MYOM2: variants seen among roughly 807,000 people sequenced by gnomAD.
The protein encoded by MYOM2 is myomesin-2.
In MYOM2, 254 loss-of-function variants were observed where a neutral mutation model predicts 187.6. That is an observed-to-expected ratio of 1.35 (90% CI 1.22 to 1.50). MYOM2 has a LOEUF of 1.50. MYOM2 is among the 40% of genes most tolerant of loss of function. MYOM2 has a pLI of 0.00. For missense variants in MYOM2, 2,796 were observed against 1,924.0 expected, an observed-to-expected ratio of 1.45 and a Z score of -8.48; for synonymous variants, 981 against 753.8, an observed-to-expected ratio of 1.30 and a Z score of -4.94.
At chr8:2,084,621 G>T (rs541355500) in intron 13 of MYOM2, among the ~76,000 whole-genome samples, 45 of 152,304 alleles carry the variant, frequency 3.0e-4, no homozygotes, top group South Asian at 1.7e-3. Context: ...ATGTATGTCA[G>T]AAGAGAGGCA....
intron 10 of MYOM2, among the ~76,000 whole-genome samples, chr8:2,075,817 C>T (rs540888898): frequency 3.3e-5 from 5 of 152,124 alleles, no homozygotes; most frequent in African/African-American, 4.8e-5. Flanking sequence ...CTGTTTCATC[C>T]GCACATTTTT....
chr8:2,116,871 C>T (rs936098389), intron 27 of MYOM2, among the ~76,000 whole-genome samples: 1 of 152,118 alleles, frequency 6.6e-6, no homozygotes, highest in Non-Finnish European at 1.5e-5. Flanking sequence ...CGTTCTCCTG[C>T]CTCAGCCTCC....
At chr8:2,050,437 T>TA (rs1269652518) in intron 1 of MYOM2, among the ~76,000 whole-genome samples, 48 of 152,208 alleles carry the variant, frequency 3.2e-4, no homozygotes, top group African/African-American at 1.1e-3. Context: ...ACTTCCCACT[T>TA]ATATTGCTTT....
chr8:2,116,095 A>T lies in MYOM2; in HGVS notation c.3316A>T (p.Ile1106Phe). 1.2e-6 allele frequency: 2 copies of T among 1,608,808 alleles called. No homozygotes were observed. Among genetic ancestry groups the T allele is most frequent in the Non-Finnish European group, 1.7e-6 (2 of 1,179,280 alleles). Residue 1106 changes from isoleucine (I) to phenylalanine (F), a missense_variant, in exon 26 of 37, where the codon ATT becomes TTT. Coordinates refer to ENST00000262113, the MANE Select transcript of MYOM2 (RefSeq NM_003970.4). ...CAAAAGTCAGTCTTCTCTAGTTCTT[A>T]TTGGAGATGGTATGCTATATCGAAT... The part of the protein sequence containing the change: ...KAKSQSSLVL[I>F]GDAFKTVLEE...
At chr8:2,064,157 G>A (rs13272717) in intron 6 of MYOM2, among the ~76,000 whole-genome samples, 7,118 of 152,272 alleles carry the variant, frequency 0.047, 206 homozygotes, top group African/African-American at 0.081. Flanking sequence ...CATCTGCTCC[G>A]TCGTCTGCCC....
At chr8:2,092,578 G>C (rs546023559) in intron 16 of MYOM2, 58 bp downstream of exon 16, 2 of 1,568,768 alleles carry the variant, frequency 1.3e-6, no homozygotes, top group Non-Finnish European at 1.7e-6. Flanking sequence ...AGACCGTTGA[G>C]GTCCCTGTGG....
At chr8:2,053,702 G>A (rs944534138) in intron 3 of MYOM2, among the ~76,000 whole-genome samples, 1 of 152,218 alleles carries the variant, frequency 6.6e-6, no homozygotes, top group African/African-American at 2.4e-5. Context: ...AAGGGGTTAT[G>A]TTCTCACGGC....
chr8:2,049,988 G>T (rs1436963595), intron 1 of MYOM2, among the ~76,000 whole-genome samples: 1 of 152,010 alleles, frequency 6.6e-6, no homozygotes. Flanking sequence ...CTCCTGCTAC[G>T]CCTGTCTACC....
chr8:2,102,028 G>A (rs561594803), intron 20 of MYOM2: 1 of 152,392 alleles, frequency 6.6e-6, no homozygotes, highest in South Asian at 2.1e-4. Flanking sequence ...GCCCTGTGGT[G>A]GGGTGGGCCT....
intron 13 of MYOM2, among the ~76,000 whole-genome samples, chr8:2,081,496 A>C (rs1340313322): frequency 6.6e-6 from 1 of 152,194 alleles, no homozygotes; most frequent in Non-Finnish European, 1.5e-5. Context: ...ATCAGGGAGG[A>C]GGTGGGCAGC....
chr8:2,088,120 C>T (rs532846629), intron 14 of MYOM2, among the ~76,000 whole-genome samples: 18 of 151,962 alleles, frequency 1.2e-4, no homozygotes, highest in East Asian at 3.9e-4. Context: ...AGCTCTTCAG[C>T]GGTGATTTGA....
intron 32 of MYOM2, among the ~76,000 whole-genome samples, chr8:2,131,036 A>AG (rs576906354): frequency 1.9e-3 from 291 of 151,902 alleles, no homozygotes; most frequent in Non-Finnish European, 2.4e-3. Flanking sequence ...GGGAAAGGCC[A>AG]CCCCCCTCTT....
chr8:2,120,165 C>G (rs1797377244), intron 28 of MYOM2, among the ~76,000 whole-genome samples: 1 of 152,038 alleles, frequency 6.6e-6, no homozygotes, highest in Admixed American at 6.6e-5. Context: ...GGCCAGTGAC[C>G]TAGTGTGAGT....
rs777433228 is a variant in MYOM2, at chr8:2,085,520, C to T, written c.1644+130C>T. On this transcript the variant is annotated intron_variant, in intron 14 of 36. Transcript: ENST00000262113. ...ACTGTTGTGATCTCCGCGTGGCCCC[C>T]CACTGTTGTGATCTCTGCGTGGCCC... 5.9e-3 allele frequency: 3,131 copies of T among 532,062 alleles called. 138 individuals carry two copies. The highest frequency in any genetic ancestry group is 9.2e-3 in the African/African-American group (264 of 28,586). 33.0% of individuals were successfully genotyped at this position (532,062 alleles called of 1,614,324 possible). A position where few individuals can be genotyped will look rare whatever the true frequency, so the allele number is the denominator to read the frequency against.
intron 6 of MYOM2, among the ~76,000 whole-genome samples, chr8:2,059,899 C>A (rs536945332): frequency 2.6e-5 from 4 of 152,074 alleles, no homozygotes; most frequent in Non-Finnish European, 4.4e-5. Flanking sequence ...TGGGCCATCA[C>A]GCCCAGCTAA....
chr8:2,053,037 G>A (rs1038236894), intron 3 of MYOM2, among the ~76,000 whole-genome samples: 16 of 152,178 alleles, frequency 1.1e-4, no homozygotes, highest in African/African-American at 2.9e-4. Context: ...ACAGTTAAAC[G>A]TTCGCGGGTG....
At chr8:2,101,641 C>T (rs1796713797) in intron 20 of MYOM2, among the ~76,000 whole-genome samples, 1 of 152,218 alleles carries the variant, frequency 6.6e-6, no homozygotes, top group African/African-American at 2.4e-5. Context: ...GCAGACACGC[C>T]TGTTTTCTTC....
chr8:2,093,715 A>T (rs914344772), intron 16 of MYOM2, among the ~76,000 whole-genome samples: 4 of 152,260 alleles, frequency 2.6e-5, no homozygotes, highest in African/African-American at 4.8e-5. Flanking sequence ...GAGGAGGCCC[A>T]GAAAGTACAA....
intron 25 of MYOM2, 90 bp from the exon 26 acceptor site, chr8:2,115,870 C>T: frequency 2.1e-6 from 3 of 1,412,406 alleles, no homozygotes; most frequent in Non-Finnish European, 9.7e-7. Context: ...CCCTTGAGAT[C>T]TCATGGCTGA....
Sources: allele counts gnomAD v4.1 joint callset (sites outside exome capture counted in the v4.1 genomes callset), GRCh38; gene constraint gnomAD v4.1.1; transcripts MANE v1.5; gene names NCBI Gene and HGNC (gene_info 2026-07-23, HGNC 2026-07-21).